ASIC2: variants seen among roughly 807,000 people sequenced by gnomAD.
ASIC2 encodes the protein acid sensing ion channel subunit 2.
In ASIC2, 25 loss-of-function variants were observed where a neutral mutation model predicts 57.3. That is an observed-to-expected ratio of 0.44 (90% confidence interval 0.32 to 0.61). The LOEUF (loss-of-function observed/expected upper bound fraction) is 0.61. ASIC2 is among the 20% of genes least tolerant of loss of function. ASIC2 has a pLI of 0.06. For missense variants in ASIC2, 641 were observed against 738.1 expected, an observed-to-expected ratio of 0.87 and a Z score of 1.52; for synonymous variants, 319 against 307.5, an observed-to-expected ratio of 1.04 and a Z score of -0.39.
intron 1 of ASIC2, among the ~76,000 whole-genome samples, chr17:34,008,141 GC>G (rs1906592042): frequency 1.3e-5 from 2 of 152,174 alleles, no homozygotes; most frequent in Admixed American, 1.3e-4. Context: ...TTTTACTGAT[GC>G]ATACATTTAA....
intron 1 of ASIC2, among the ~76,000 whole-genome samples, chr17:33,151,900 C>A (rs1223765219): frequency 6.6e-6 from 1 of 152,204 alleles, no homozygotes; most frequent in East Asian, 1.9e-4. Context: ...GGAGTAATCA[C>A]CCTGTGTTAA....
intron 1 of ASIC2, among the ~76,000 whole-genome samples, chr17:33,383,890 T>C (rs1909576729): frequency 6.6e-6 from 1 of 151,998 alleles, no homozygotes; most frequent in Non-Finnish European, 1.5e-5. Context: ...CAGGGAGGGA[T>C]TGGAAGGGGG....
rs115943333 is a variant in ASIC2, at chr17:33,990,621, C to T, written c.555+165357G>A. ...GTTGTACAAACATTTACGAGCCAGA[C>T]ACAGTGGAAATGGGGACCCTGAGAT... On this transcript the variant is annotated intron_variant, in intron 1 of 9. Transcript: ENST00000359872. Among the ~76,000 whole-genome samples, 536 of 152,256 alleles carry T rather than the reference C, an allele frequency of 3.5e-3. 7 individuals carry two copies. The highest frequency in any genetic ancestry group is 0.012 in the African/African-American group (510 of 41,542).
At chr17:33,873,950 T>C (rs998333979) in intron 1 of ASIC2, among the ~76,000 whole-genome samples, 3 of 152,220 alleles carry the variant, frequency 2.0e-5, no homozygotes, top group Admixed American at 2.0e-4. Flanking sequence ...CAGCTGGGGC[T>C]TCCTGCCTGG....
intron 1 of ASIC2, among the ~76,000 whole-genome samples, chr17:33,152,418 G>A (rs1329709770): frequency 1.3e-5 from 2 of 152,214 alleles, no homozygotes; most frequent in African/African-American, 4.8e-5. Flanking sequence ...ACCAGGAAAA[G>A]CTTCAAGGTG....
intron 1 of ASIC2, among the ~76,000 whole-genome samples, chr17:33,622,305 A>T (rs1336656615): frequency 2.0e-5 from 3 of 152,184 alleles, no homozygotes; most frequent in Non-Finnish European, 4.4e-5. Flanking sequence ...GGGCAAAGGA[A>T]AGCATAAAGA....
chr17:33,457,896 C>G (rs1912505286), intron 1 of ASIC2, among the ~76,000 whole-genome samples: 1 of 152,230 alleles, frequency 6.6e-6, no homozygotes, highest in African/African-American at 2.4e-5. Flanking sequence ...ATCTCATACT[C>G]AGGTCTGATT....
intron 1 of ASIC2, among the ~76,000 whole-genome samples, chr17:33,289,808 C>T (rs1409508545): frequency 6.6e-6 from 1 of 152,186 alleles, no homozygotes. Flanking sequence ...TTTGATGGGC[C>T]ATGCTGTAAA....
chr17:33,362,020 C>A (rs180887256), intron 1 of ASIC2, among the ~76,000 whole-genome samples: 86 of 152,244 alleles, frequency 5.6e-4, no homozygotes, highest in African/African-American at 2.0e-3. Context: ...TAGAGGTTGG[C>A]ACTAGTTTCT....
chr17:33,943,426 A>G (rs1450822588), intron 1 of ASIC2, among the ~76,000 whole-genome samples: 2 of 152,198 alleles, frequency 1.3e-5, no homozygotes, highest in African/African-American at 2.4e-5. Flanking sequence ...TGACATTTGC[A>G]TGGCACTTTA....
intron 1 of ASIC2, among the ~76,000 whole-genome samples, chr17:33,963,100 G>C (rs150432837): frequency 1.3e-5 from 2 of 152,188 alleles, no homozygotes; most frequent in Admixed American, 1.3e-4. Context: ...GAGATCTAGA[G>C]AGGTGTACAG....
At chr17:33,872,044 C>T (rs995641516) in intron 1 of ASIC2, among the ~76,000 whole-genome samples, 1 of 152,122 alleles carries the variant, frequency 6.6e-6, no homozygotes, top group African/African-American at 2.4e-5. Flanking sequence ...CGCCACCCTA[C>T]CCTAGAGTCA....
At chr17:33,043,687 T>C (rs554101990) in intron 3 of ASIC2, among the ~76,000 whole-genome samples, 1 of 152,296 alleles carries the variant, frequency 6.6e-6, no homozygotes, top group South Asian at 2.1e-4. Context: ...TTATTATGTA[T>C]TATATAAAAT....
In ASIC2 at chr17:33,695,543, A is replaced by T. The variant is rs1474248593; in HGVS notation, c.555+460435T>A. 2.6e-5 allele frequency among the ~76,000 whole-genome samples: 4 copies of T among 152,244 alleles called. No homozygotes were observed. The East Asian group carries it at 7.7e-4, about 29-fold the overall frequency. On this transcript the variant is annotated intron_variant, in intron 1 of 9. Transcript: ENST00000359872. The stretch of plus-strand genomic sequence containing the variant: ...TAAAAAAGCTTTAGTTCTTAATGAG[A>T]TGCACTTTCAGAAATCTGGCAAGCT...
At chr17:33,084,484 C>G (rs191793136) in intron 3 of ASIC2, among the ~76,000 whole-genome samples, 1 of 152,238 alleles carries the variant, frequency 6.6e-6, no homozygotes, top group Non-Finnish European at 1.5e-5. Flanking sequence ...AGCATGGGTG[C>G]GGGAACCTGG....
At chr17:33,994,844 C>A (rs55873051) in intron 1 of ASIC2, among the ~76,000 whole-genome samples, 1 of 152,068 alleles carries the variant, frequency 6.6e-6, no homozygotes, top group Non-Finnish European at 1.5e-5. Flanking sequence ...CCCAGATTGG[C>A]CTATTTGACC....
chr17:33,274,642 G>A (rs931357948), intron 1 of ASIC2, among the ~76,000 whole-genome samples: 1 of 152,034 alleles, frequency 6.6e-6, no homozygotes, highest in South Asian at 2.1e-4. Flanking sequence ...CCCATGCTTG[G>A]TTTGACCCCA....
chr17:33,806,914 T>G (rs990388874), intron 1 of ASIC2, among the ~76,000 whole-genome samples: 1 of 152,206 alleles, frequency 6.6e-6, no homozygotes, highest in African/African-American at 2.4e-5. Flanking sequence ...GTTTGCATGC[T>G]GTCACCACCA....
At chr17:33,876,171 G>A (rs1402896114) in intron 1 of ASIC2, among the ~76,000 whole-genome samples, 4 of 152,102 alleles carry the variant, frequency 2.6e-5, no homozygotes, top group African/African-American at 7.2e-5. Flanking sequence ...TCTGTAAAAC[G>A]GGACTACGGT....
Sources: allele counts gnomAD v4.1 joint callset (sites outside exome capture counted in the v4.1 genomes callset), GRCh38; gene constraint gnomAD v4.1.1; transcripts MANE v1.5; gene names NCBI Gene and HGNC (gene_info 2026-07-23, HGNC 2026-07-21).